The following PRSS12 variants were observed in gnomAD, a reference collection of about 807,000 sequenced individuals.
The protein encoded by PRSS12 is serine protease 12.
A neutral mutation model predicts 104.4 loss-of-function variants in PRSS12; 85 were observed. The observed-to-expected ratio is 0.81, with a 90% CI of 0.68 to 0.98. The LOEUF is 0.98. Ranked by LOEUF, PRSS12 falls within the 50% of genes least tolerant of loss-of-function variation. The pLI, the probability that PRSS12 is intolerant of heterozygous loss-of-function variation, is 0.00. For missense variants in PRSS12, 1,141 were observed against 1,139.2 expected (o/e 1.00, Z -0.02); for synonymous variants, 454 against 425.2 (o/e 1.07, Z -0.83).
chr4:118,300,454 T>A (rs1743379400), intron 8 of PRSS12, among the ~76,000 whole-genome samples: 1 of 152,202 alleles, frequency 6.6e-6, no homozygotes, highest in African/African-American at 2.4e-5. Context: ...AATAAATATT[T>A]CAAACTAACG....
At chr4:118,309,185 A>G (rs1239935498) in intron 7 of PRSS12, among the ~76,000 whole-genome samples, 2 of 152,234 alleles carry the variant, frequency 1.3e-5, no homozygotes, top group Non-Finnish European at 2.9e-5. Context: ...CACAAAAATT[A>G]CTGAGTTAAA....
At chr4:118,340,888 G>A (rs1724189372) in intron 1 of PRSS12, among the ~76,000 whole-genome samples, 2 of 152,218 alleles carry the variant, frequency 1.3e-5, no homozygotes. Flanking sequence ...ACTGAGTGGG[G>A]AAACCCAGTA....
chr4:118,341,441 GGGA>G (rs751091813), intron 1 of PRSS12, among the ~76,000 whole-genome samples: 5 of 152,146 alleles, frequency 3.3e-5, no homozygotes, highest in Non-Finnish European at 5.9e-5. Context: ...CCAGCACTTT[GGGA>G]GGCCGAGGTG....
intron 1 of PRSS12, among the ~76,000 whole-genome samples, chr4:118,348,932 G>C (rs55709826): frequency 6.6e-6 from 1 of 152,220 alleles, no homozygotes; most frequent in Non-Finnish European, 1.5e-5. Flanking sequence ...GATTACAAGC[G>C]ACAGCTACCG....
At position 118,352,889 on chromosome 4, in the gene PRSS12, G is replaced by A; in HGVS notation, c.-169C>T. The A allele has an allele frequency of 7.1e-7, 1 of 1,408,136 alleles. No homozygotes were observed. The highest frequency in any genetic ancestry group is 9.2e-7 in the Non-Finnish European group (1 of 1,083,872). 87.2% of individuals were successfully genotyped at this position (1,408,136 alleles called of 1,614,324 possible). A position where few individuals can be genotyped will look rare whatever the true frequency, so the allele number is the denominator to read the frequency against. ...CCCAACCTTGCCTCCCGCCGCTGGT[G>A]CCCTGCCGCGCCTCGGCTCCTGTCC... is the stretch of plus-strand genomic sequence containing the variant. On this transcript the variant is annotated 5_prime_UTR_variant, in exon 1 of 13. Coordinates refer to ENST00000296498, the MANE Select transcript of PRSS12 (RefSeq NM_003619.4).
intron 11 of PRSS12, among the ~76,000 whole-genome samples, chr4:118,292,577 T>C (rs1029326976): frequency 6.6e-6 from 1 of 152,202 alleles, no homozygotes; most frequent in Admixed American, 6.5e-5. Flanking sequence ...ACTATATCTC[T>C]AGTACATAGC....
chr4:118,297,080 T>G (rs1449073588), intron 9 of PRSS12, among the ~76,000 whole-genome samples: 1 of 152,154 alleles, frequency 6.6e-6, no homozygotes, highest in South Asian at 2.1e-4. Flanking sequence ...AAAATGAAGT[T>G]CATTTATAAA....
chr4:118,291,617 G>A (rs1256496322), intron 11 of PRSS12, among the ~76,000 whole-genome samples: 1 of 151,966 alleles, frequency 6.6e-6, no homozygotes, highest in African/African-American at 2.4e-5. Context: ...AGAGCACCAT[G>A]TCCTTTTCTC....
Position 118,331,758 on chromosome 4 carries a change from T to A in PRSS12, c.929A>T (p.Asp310Val). The part of the protein sequence containing the change: ...QWGTVCDDQW[D>V]DADAEVICRQ... ...GCAGATCACTTCTGCATCGGCATCA[T>A]CCCATTGGTCATCACAAACGGTTCC... The change falls in exon 4 of 13, where the codon GAT becomes GTT. Residue 310 changes from aspartate (D) to valine (V), a missense_variant. By Grantham distance (152) the Asp-to-Val change is radical. Coordinates refer to ENST00000296498, the MANE Select transcript of PRSS12 (RefSeq NM_003619.4). The A allele has an allele frequency of 7.4e-6, 12 of 1,614,166 alleles. No homozygotes were observed. The highest frequency in any genetic ancestry group is 1.0e-5 in the Non-Finnish European group (12 of 1,180,032).
intron 11 of PRSS12, among the ~76,000 whole-genome samples, chr4:118,285,811 CT>C (rs377052489): frequency 6.6e-6 from 1 of 151,216 alleles, no homozygotes; most frequent in African/African-American, 2.4e-5. Flanking sequence ...GGGTTTTTAT[CT>C]TTTTTTTTCT....
At chr4:118,351,000 C>T (rs1318563333) in intron 1 of PRSS12, among the ~76,000 whole-genome samples, 1 of 152,104 alleles carries the variant, frequency 6.6e-6, no homozygotes, top group Non-Finnish European at 1.5e-5. Context: ...TTTGACATCA[C>T]CTCAAATTTT....
intron 11 of PRSS12, among the ~76,000 whole-genome samples, chr4:118,286,652 G>C (rs1447320226): frequency 1.3e-5 from 2 of 152,136 alleles, no homozygotes; most frequent in Non-Finnish European, 2.9e-5. Context: ...TAATGAATGA[G>C]TTATTTTGAA....
intron 7 of PRSS12, 118 bp from the exon 8 acceptor site, chr4:118,308,695 T>C: frequency 7.2e-7 from 1 of 1,387,096 alleles, no homozygotes; most frequent in Non-Finnish European, 1.0e-6. Flanking sequence ...AGATGGGAAA[T>C]ACTTTTTTGA....
At chr4:118,301,077 T>C (rs1357365108) in intron 8 of PRSS12, among the ~76,000 whole-genome samples, 2 of 152,242 alleles carry the variant, frequency 1.3e-5, no homozygotes, top group African/African-American at 4.8e-5. Context: ...ATTTTTTAAA[T>C]TTTATGTATT....
intron 8 of PRSS12, among the ~76,000 whole-genome samples, chr4:118,304,854 A>G (rs1280626910): frequency 1.3e-5 from 2 of 152,032 alleles, no homozygotes; most frequent in East Asian, 1.9e-4. Flanking sequence ...TGTCTTTCCC[A>G]TTATGAAAAG....
chr4:118,335,409 T>A (rs952971565), intron 3 of PRSS12, 64 bp downstream of exon 3: 1 of 1,569,626 alleles, frequency 6.4e-7, no homozygotes, highest in Non-Finnish European at 8.7e-7. Context: ...GACACTTTCA[T>A]CATCTGGAAT....
intron 6 of PRSS12, among the ~76,000 whole-genome samples, chr4:118,314,333 AATTT>A (rs1308295788): frequency 1.3e-5 from 2 of 152,018 alleles, no homozygotes; most frequent in Non-Finnish European, 2.9e-5. Flanking sequence ...GTATTTATTA[AATTT>A]ATTTGACAAA....
chr4:118,343,562 G>A (rs1014710993), intron 1 of PRSS12, among the ~76,000 whole-genome samples: 2 of 152,116 alleles, frequency 1.3e-5, no homozygotes, highest in Non-Finnish European at 2.9e-5. Flanking sequence ...TCCCTGTTCA[G>A]CCTGGATAAC....
intron 10 of PRSS12, 23 bp downstream of exon 10, chr4:118,295,755 A>G (rs1468495828): frequency 1.9e-6 from 3 of 1,588,926 alleles, no homozygotes; most frequent in Non-Finnish European, 1.7e-6. Context: ...AATATAAAAA[A>G]TCTCTTTTGG....
Sources: gnomAD v4.1 joint callset for allele counts (sites outside exome capture counted in the v4.1 genomes callset) on GRCh38, gnomAD v4.1.1 for gene constraint, MANE v1.5 for transcripts, NCBI Gene and HGNC (gene_info 2026-07-23, HGNC 2026-07-21) for gene names.